Variants in SGCZ observed in about 807,000 individuals in gnomAD.
SGCZ encodes zeta-sarcoglycan.
Under a neutral mutation model 41.3 loss-of-function variants are expected in SGCZ, and 40 were observed. That is an observed-to-expected ratio of 0.97 (90% CI 0.75 to 1.26). SGCZ has a LOEUF of 1.26. Among genes scored for constraint, SGCZ ranks in the 50% most tolerant of loss-of-function variants. SGCZ has a pLI of 0.00. For missense variants in SGCZ, 552 were observed against 369.8 expected (o/e 1.49, Z -4.04); for synonymous variants, 206 against 137.5 (o/e 1.50, Z -3.49).
chr8:14,164,729 T>C, intron 4 of SGCZ, 27 bp from the exon 5 acceptor site: 1 of 1,610,312 alleles, frequency 6.2e-7, no homozygotes, highest in Non-Finnish European at 8.5e-7. Context: ...GGTTTAAAAA[T>C]GAAACTGGTA....
At chr8:14,782,736 T>C (rs904238237) in intron 1 of SGCZ, among the ~76,000 whole-genome samples, 2 of 152,066 alleles carry the variant, frequency 1.3e-5, no homozygotes, top group Non-Finnish European at 2.9e-5. Flanking sequence ...AGGAACCTTA[T>C]ACTCCAAGGA....
chr8:14,281,639 C>A lies in SGCZ; in HGVS notation c.336+42464G>T, dbSNP rs765421921. Among the ~76,000 whole-genome samples, 107 of 151,964 alleles carry A rather than the reference C, an allele frequency of 7.0e-4. 2 individuals are homozygous for A. Among genetic ancestry groups the A allele is most frequent in the Non-Finnish European group, 1.4e-3 (98 of 67,926 alleles). On this transcript the variant is annotated intron_variant, in intron 3 of 7. Coordinates refer to ENST00000382080, the MANE Select transcript of SGCZ (RefSeq NM_139167.4). ...GCTATGTAAACGGAAATAACATGATCATGTCAAATTCTCTTAATACAAATA... is the reference window on the plus strand; with the variant it reads ...GCTATGTAAACGGAAATAACATGATAATGTCAAATTCTCTTAATACAAATA...
chr8:14,336,147 A>G (rs975267810), intron 2 of SGCZ, among the ~76,000 whole-genome samples: 13 of 152,068 alleles, frequency 8.5e-5, no homozygotes, highest in African/African-American at 3.1e-4. Context: ...GCTCCCTCTT[A>G]TAAGTGATAA....
intron 1 of SGCZ, among the ~76,000 whole-genome samples, chr8:14,977,311 G>C (rs13340563): frequency 6.6e-6 from 1 of 152,078 alleles, no homozygotes. Context: ...AACAGAGCTT[G>C]GTCAAACAAA....
chr8:14,412,819 T>C lies in SGCZ; in HGVS notation c.235-88615A>G, dbSNP rs545234066. 2.0e-3 allele frequency among the ~76,000 whole-genome samples: 300 copies of C among 152,158 alleles called. 1 individual carries two copies. The highest frequency in any genetic ancestry group is 7.0e-3 in the African/African-American group (291 of 41,556). ...AAGGATGGCATAACTTTAATTAAAA[T>C]AGTTGAACTTGAAGAGTATTTGACA... On this transcript the variant is annotated intron_variant, in intron 2 of 7. Transcript: ENST00000382080.
chr8:14,707,924 A>C (rs1320846672), intron 1 of SGCZ, among the ~76,000 whole-genome samples: 1 of 152,114 alleles, frequency 6.6e-6, no homozygotes, highest in Non-Finnish European at 1.5e-5. Context: ...GAAAATGGGT[A>C]TGATTTGGGG....
At chr8:15,224,086 C>T (rs573874512) in intron 1 of SGCZ, among the ~76,000 whole-genome samples, 5 of 152,218 alleles carry the variant, frequency 3.3e-5, no homozygotes, top group African/African-American at 1.2e-4. Flanking sequence ...AAACTCCCGA[C>T]CTCAAGTGAT....
chr8:14,525,336 T>C (rs940220448), intron 2 of SGCZ, among the ~76,000 whole-genome samples: 3 of 152,166 alleles, frequency 2.0e-5, no homozygotes, highest in Non-Finnish European at 4.4e-5. Flanking sequence ...CCTGTGTTCC[T>C]GGACTAAAAA....
intron 1 of SGCZ, among the ~76,000 whole-genome samples, chr8:14,764,986 T>G (rs1799996719): frequency 6.6e-6 from 1 of 152,202 alleles, no homozygotes; most frequent in African/African-American, 2.4e-5. Flanking sequence ...CTTTTAACTT[T>G]CGTAGAGCTT....
intron 1 of SGCZ, among the ~76,000 whole-genome samples, chr8:14,708,032 T>C (rs1809386972): frequency 2.0e-5 from 3 of 152,208 alleles, no homozygotes; most frequent in East Asian, 1.9e-4. Flanking sequence ...AACAAAATAA[T>C]ATTTGTTATA....
chr8:14,383,362 T>C (rs1415135124), intron 2 of SGCZ, among the ~76,000 whole-genome samples: 3 of 152,178 alleles, frequency 2.0e-5, no homozygotes, highest in Non-Finnish European at 2.9e-5. Flanking sequence ...CTTAACGAAG[T>C]TTATAATTAT....
intron 4 of SGCZ, among the ~76,000 whole-genome samples, chr8:14,236,143 G>T (rs1244237424): frequency 6.6e-6 from 1 of 152,140 alleles, no homozygotes; most frequent in Non-Finnish European, 1.5e-5. Context: ...TATAGTTTCT[G>T]CAGTTCCAAC....
intron 1 of SGCZ, among the ~76,000 whole-genome samples, chr8:14,951,112 C>T (rs1277493382): frequency 2.6e-5 from 4 of 151,910 alleles, no homozygotes; most frequent in Non-Finnish European, 5.9e-5. Context: ...GGATGTTAAA[C>T]AGATGGCCTT....
chr8:14,972,320 C>A (rs1169632409), intron 1 of SGCZ, among the ~76,000 whole-genome samples: 1 of 151,822 alleles, frequency 6.6e-6, no homozygotes, highest in African/African-American at 2.4e-5. Context: ...TTTCATTTTT[C>A]TGATAAATTT....
chr8:14,132,900 T>C (rs898905621), intron 5 of SGCZ, among the ~76,000 whole-genome samples: 2 of 152,168 alleles, frequency 1.3e-5, no homozygotes, highest in East Asian at 1.9e-4. Flanking sequence ...TTTGTTAACT[T>C]TTTTCTAAAG....
intron 1 of SGCZ, among the ~76,000 whole-genome samples, chr8:15,090,753 G>T: frequency 6.6e-6 from 1 of 152,042 alleles, no homozygotes; most frequent in East Asian, 1.9e-4. Flanking sequence ...ACCTAGTTTG[G>T]GACTAATCTC....
chr8:14,119,155 T>C (rs778806101), intron 5 of SGCZ, among the ~76,000 whole-genome samples: 1 of 152,140 alleles, frequency 6.6e-6, no homozygotes, highest in African/African-American at 2.4e-5. Context: ...CTTTGGGCAC[T>C]ATGGACATTT....
intron 1 of SGCZ, among the ~76,000 whole-genome samples, chr8:14,731,149 T>C (rs1010841262): frequency 3.9e-5 from 6 of 151,928 alleles, no homozygotes; most frequent in South Asian, 4.1e-4. Context: ...TGCCCATCAA[T>C]GACAGACTGG....
chr8:14,929,421 A>G (rs1228691310), intron 1 of SGCZ, among the ~76,000 whole-genome samples: 3 of 151,910 alleles, frequency 2.0e-5, no homozygotes, highest in Non-Finnish European at 4.4e-5. Flanking sequence ...CCAAACTGAT[A>G]CTCTCACCCA....
Sources: gnomAD v4.1 joint callset for allele counts (sites outside exome capture counted in the v4.1 genomes callset) on GRCh38, gnomAD v4.1.1 for gene constraint, MANE v1.5 for transcripts, NCBI Gene and HGNC (gene_info 2026-07-23, HGNC 2026-07-21) for gene names.